Variants in FHIT observed in about 807,000 individuals in gnomAD.
FHIT encodes the protein bis(5'-adenosyl)-triphosphatase.
FHIT carries 19 observed loss-of-function variants against 17.9 expected under a neutral mutation model. That is an observed-to-expected ratio of 1.06 (90% CI 0.74 to 1.56). FHIT has a LOEUF of 1.56. FHIT is among the 40% of genes most tolerant of loss of function. FHIT has a pLI of 0.00. For missense variants in FHIT, 248 were observed against 189.2 expected (o/e 1.31, Z -1.82); for synonymous variants, 81 against 69.7 (o/e 1.16, Z -0.81).
chr3:61,195,831 G>A (rs60922760), intron 2 of FHIT, among the ~76,000 whole-genome samples: 1 of 152,054 alleles, frequency 6.6e-6, no homozygotes, highest in Non-Finnish European at 1.5e-5. Flanking sequence ...ATACTAATAT[G>A]ACCCACCTAT....
At chr3:59,942,717 T>C (rs1370610993) in intron 7 of FHIT, among the ~76,000 whole-genome samples, 1 of 152,106 alleles carries the variant, frequency 6.6e-6, no homozygotes. Flanking sequence ...GGTGCAATCA[T>C]AGCTCTCTGC....
chr3:59,928,987 T>C (rs1351983410), intron 7 of FHIT, among the ~76,000 whole-genome samples: 1 of 111,270 alleles, frequency 9.0e-6, no homozygotes, highest in African/African-American at 3.7e-5. Flanking sequence ...AGAGTGAGAC[T>C]TCATCTCAAA....
At chr3:61,072,120 A>G (rs1180993071) in intron 2 of FHIT, among the ~76,000 whole-genome samples, 1 of 152,216 alleles carries the variant, frequency 6.6e-6, no homozygotes, top group East Asian at 1.9e-4. Context: ...GGGTAAGGTC[A>G]TTCTCTCTGG....
intron 2 of FHIT, among the ~76,000 whole-genome samples, chr3:61,091,277 C>T (rs2035473108): frequency 6.6e-6 from 1 of 152,178 alleles, no homozygotes; most frequent in Non-Finnish European, 1.5e-5. Flanking sequence ...ACATGCCAAT[C>T]AGTGAAGCAA....
rs577833209 is a variant in FHIT at position 61,046,464 on chromosome 3, C to A, written c.-163-4365G>T. 2.0e-3 allele frequency among the ~76,000 whole-genome samples: 301 copies of A among 152,224 alleles called. 2 individuals are homozygous for A. The highest frequency in any genetic ancestry group is 6.9e-3 in the African/African-American group (285 of 41,554). On this transcript the variant is annotated intron_variant, in intron 2 of 9. Transcript: ENST00000492590. Reference sequence around the variant, plus strand: ...AAAAGAAGTTGAATCTCTGAATAGACCAATAACAGGCTCTGAAATTGAGGC... The same window carrying A: ...AAAAGAAGTTGAATCTCTGAATAGAACAATAACAGGCTCTGAAATTGAGGC...
chr3:59,874,711 C>T (rs1014187235), intron 8 of FHIT, among the ~76,000 whole-genome samples: 2 of 149,956 alleles, frequency 1.3e-5, no homozygotes, highest in Non-Finnish European at 1.5e-5. Flanking sequence ...CAGAAGAAAA[C>T]GATTTTACCC....
intron 7 of FHIT, among the ~76,000 whole-genome samples, chr3:59,988,480 C>G (rs1709085822): frequency 6.6e-6 from 1 of 152,066 alleles, no homozygotes; most frequent in African/African-American, 2.4e-5. Flanking sequence ...CACAGTATCT[C>G]ATTCATCCAT....
chr3:60,302,869 G>C (rs549558673), intron 5 of FHIT, among the ~76,000 whole-genome samples: 12 of 152,244 alleles, frequency 7.9e-5, no homozygotes, highest in African/African-American at 2.4e-4. Flanking sequence ...TCACTTTAAG[G>C]TATCTTAGAC....
Position 60,186,033 on chromosome 3 carries a change from T to C in FHIT, c.104-171881A>G, listed in dbSNP as rs910642987. Among the ~76,000 whole-genome samples, 3 of 152,210 alleles carry C rather than the reference T, an allele frequency of 2.0e-5. No individual in the cohort carries two copies. The South Asian group carries it at 6.2e-4, about 31-fold the overall frequency. ...TTACTGTTGAGTTGTAAGGGTTCTT[T>C]CTATATTATGGATACAAGTCCTTTA... On this transcript the variant is annotated intron_variant, in intron 5 of 9. Coordinates refer to ENST00000492590, the MANE Select transcript of FHIT (RefSeq NM_002012.4).
chr3:60,759,376 A>T (rs1223686179), intron 4 of FHIT, among the ~76,000 whole-genome samples: 1 of 152,228 alleles, frequency 6.6e-6, no homozygotes, highest in African/African-American at 2.4e-5. Flanking sequence ...CCAAGGGAAC[A>T]TGAGTAGGCA....
chr3:61,153,741 G>A (rs2107061757), intron 2 of FHIT, among the ~76,000 whole-genome samples: 1 of 152,302 alleles, frequency 6.6e-6, no homozygotes, highest in Admixed American at 6.5e-5. Flanking sequence ...CATTCTGAAA[G>A]TCATGGCCAG....
intron 5 of FHIT, among the ~76,000 whole-genome samples, chr3:60,064,925 T>TA (rs776764335): frequency 1.6e-4 from 24 of 152,284 alleles, no homozygotes; most frequent in Non-Finnish European, 3.1e-4. Flanking sequence ...AATTGACACT[T>TA]AAAGATATAA....
rs970548849 is a variant in FHIT at position 61,240,902 on chromosome 3, G to C, written c.-213+10399C>G. Among the ~76,000 whole-genome samples the C allele has an allele frequency of 6.4e-4, 98 of 152,180 alleles. 5 individuals are homozygous for C. Among genetic ancestry groups the C allele is most frequent in the Non-Finnish European group, 1.5e-5 (1 of 68,038 alleles). On this transcript the variant is annotated intron_variant, in intron 1 of 9. Coordinates refer to ENST00000492590, the MANE Select transcript of FHIT (RefSeq NM_002012.4). ...TGGTACCTCAATTTCAGCTGCGCTA[G>C]ACTCTGACTACTCATCTATGTAAGG...
At chr3:59,862,630 G>A (rs1702458138) in intron 8 of FHIT, among the ~76,000 whole-genome samples, 1 of 152,142 alleles carries the variant, frequency 6.6e-6, no homozygotes, top group Non-Finnish European at 1.5e-5. Flanking sequence ...TCTTAGGCTG[G>A]GTTCCTCTAA....
intron 8 of FHIT, among the ~76,000 whole-genome samples, chr3:59,895,070 T>C (rs1162670521): frequency 3.3e-5 from 5 of 152,208 alleles, no homozygotes; most frequent in East Asian, 1.9e-4. Flanking sequence ...ACATTTTTGG[T>C]TGTCACAACT....
At chr3:60,605,981 C>T (rs1446589665) in intron 4 of FHIT, among the ~76,000 whole-genome samples, 3 of 152,134 alleles carry the variant, frequency 2.0e-5, no homozygotes, top group African/African-American at 7.2e-5. Flanking sequence ...AGAAGCTGAT[C>T]ATAGACACAA....
chr3:59,819,713 C>T (rs1700724121), intron 8 of FHIT, among the ~76,000 whole-genome samples: 1 of 152,060 alleles, frequency 6.6e-6, no homozygotes, highest in African/African-American at 2.4e-5. Context: ...AGAACAGATG[C>T]CTCATAATTT....
At chr3:60,181,915 C>T (rs1010192909) in intron 5 of FHIT, among the ~76,000 whole-genome samples, 2 of 152,138 alleles carry the variant, frequency 1.3e-5, no homozygotes, top group East Asian at 3.9e-4. Context: ...TACATCATAG[C>T]AATCACCTTA....
At chr3:61,065,947 C>T (rs1216924727) in intron 2 of FHIT, among the ~76,000 whole-genome samples, 1 of 152,074 alleles carries the variant, frequency 6.6e-6, no homozygotes, top group African/African-American at 2.4e-5. Context: ...TATAACAGGA[C>T]CTGAGACTAG....
Sources: gnomAD v4.1 joint callset for allele counts (sites outside exome capture counted in the v4.1 genomes callset) on GRCh38, gnomAD v4.1.1 for gene constraint, MANE v1.5 for transcripts, NCBI Gene and HGNC (gene_info 2026-07-23, HGNC 2026-07-21) for gene names.